Variants in LILRB1 observed in about 807,000 individuals in gnomAD.
LILRB1 encodes leukocyte immunoglobulin-like receptor subfamily B member 1.
LILRB1 carries 59 observed loss-of-function variants against 74.6 expected under a neutral mutation model. The observed-to-expected ratio is 0.79, with a 90% CI of 0.64 to 0.98. The LOEUF (loss-of-function observed/expected upper bound fraction) is 0.98, where lower values mean the gene tolerates loss of function less well. Among genes scored for constraint, LILRB1 ranks in the 50% least tolerant of loss-of-function variants. The pLI is 0.00. For synonymous variants in LILRB1, 328 were observed against 333.9 expected, an observed-to-expected ratio of 0.98 and a Z score of 0.19; for missense variants, 804 against 822.6, an observed-to-expected ratio of 0.98 and a Z score of 0.28.
At position 54,636,409 on chromosome 19, in the gene LILRB1, C is replaced by A. The variant is rs891382622; in HGVS notation, c.1654-85C>A. ...GATTCCATCGGGAAAGGGATGTAAT[C>A]GGATCACCCGGGGAACAGTGAGGAA... On this transcript the variant is annotated intron_variant, in intron 13 of 14. Transcript: ENST00000324602. The A allele has an allele frequency of 8.9e-6, 14 of 1,571,494 alleles. No individual in the cohort carries two copies. The African/African-American group carries it at 1.1e-4, about 12-fold the overall frequency.
rs376457176 is a variant in LILRB1, at chr19:54,631,819, A to T, written c.358+32A>T. On this transcript the variant is annotated intron_variant, in intron 4 of 14. Coordinates refer to ENST00000324602, the MANE Select transcript of LILRB1 (RefSeq NM_001081637.3). ...TGACACTCAGGGGTCCCAGCCCCAG[A>T]CTCTGCCCTCAGGAAGGGGGACGGC... 18 of 1,608,736 alleles carry T rather than the reference A, an allele frequency of 1.1e-5. No individual in the cohort carries two copies. The South Asian group carries it at 1.8e-4, about 16-fold the overall frequency.
intron 1 of LILRB1, among the ~76,000 whole-genome samples, chr19:54,618,883 C>T (rs1405493735): frequency 6.6e-6 from 1 of 151,998 alleles, no homozygotes; most frequent in Non-Finnish European, 1.5e-5. Context: ...TCTAGGTAAA[C>T]TATTAAATAA....
upstream of LILRB1, among the ~76,000 whole-genome samples, chr19:54,629,450 C>T (rs1177964305): frequency 6.6e-6 from 1 of 152,198 alleles, no homozygotes; most frequent in Non-Finnish European, 1.5e-5. Flanking sequence ...CCTTGAGATC[C>T]ACAAGGAGAC....
intron 3 of LILRB1, 80 bp from the exon 4 acceptor site, chr19:54,631,420 G>A: frequency 6.2e-7 from 1 of 1,608,798 alleles, no homozygotes; most frequent in Admixed American, 1.7e-5. Flanking sequence ...GGGGGCGTCT[G>A]GAGGGTCCTG....
In LILRB1 at chr19:54,632,645, C is replaced by A. The variant is rs746862799; in HGVS notation, c.843C>A (p.Asn281Lys). 1.2e-6 allele frequency: 2 copies of A among 1,614,030 alleles called. No homozygotes were observed. Among genetic ancestry groups the A allele is most frequent in the Admixed American group, 3.3e-5 (2 of 60,030 alleles). Reference protein sequence around the residue: ...AQPQAGLSQANFTLGPVSRSY... With the variant: ...AQPQAGLSQAKFTLGPVSRSY... ...CCCAGGCTGGGCTCTCCCAGGCCAA[C>A]TTCACCCTGGGCCCTGTGAGCCGCT... The change falls in exon 6 of 15, where the codon AAC (asparagine) becomes AAA (lysine). Residue 281 changes from asparagine to lysine, a missense_variant. Coordinates refer to ENST00000324602, the MANE Select transcript of LILRB1 (RefSeq NM_001081637.3).
intron 2 of LILRB1, 77 bp from the exon 3 acceptor site, chr19:54,631,194 G>T (rs575035859): frequency 1.0e-4 from 161 of 1,613,954 alleles, no homozygotes; most frequent in Non-Finnish European, 1.2e-4. Context: ...GACCCCAGGG[G>T]CTCACAAAGA....
chr19:54,626,693 C>T (rs1038730571), upstream of LILRB1, among the ~76,000 whole-genome samples: 1 of 152,100 alleles, frequency 6.6e-6, no homozygotes, highest in Non-Finnish European at 1.5e-5. Context: ...CTATAATTGC[C>T]TGTTTTTTCT....
chr19:54,633,129 A>T lies in LILRB1; in HGVS notation c.1072A>T (p.Thr358Ser), dbSNP rs201531812. 1.2e-4 allele frequency: 198 copies of T among 1,614,128 alleles called. No individual in the cohort carries two copies. Among genetic ancestry groups the T allele is most frequent in the Non-Finnish European group, 2.4e-5 (28 of 1,180,044 alleles). ...SQGWMQTFLLTKEGAADDPWR... is the reference protein window; with the variant it reads ...SQGWMQTFLLSKEGAADDPWR... The stretch of plus-strand genomic sequence containing the variant: ...GGGATGGATGCAAACTTTCCTTCTG[A>T]CCAAGGAGGGGGCAGCTGATGACCC... Residue 358 changes from threonine to serine, a missense_variant, in exon 7 of 15, where the codon ACC becomes TCC. Transcript: ENST00000324602.
upstream of LILRB1, among the ~76,000 whole-genome samples, chr19:54,630,203 C>T (rs1431267743): frequency 1.3e-5 from 2 of 152,282 alleles, no homozygotes; most frequent in South Asian, 2.1e-4. Flanking sequence ...GATAACCAGT[C>T]GTTGAATAAA....
Position 54,636,810 on chromosome 19 carries a change from C to A in LILRB1, c.1891C>A (p.Pro631Thr), listed in dbSNP as rs777690584. ...GACCCTCAGACGGGAGGCAACTGAG[C>A]CTCCTCCATCCCAGGAAGGGCCCTC... ...SLTLRREATE[P>T]PPSQEGPSPA... Residue 631 changes from proline (P) to threonine (T), a missense_variant, in exon 15 of 15, where the codon CCT becomes ACT. Transcript: ENST00000324602. The A allele has an allele frequency of 1.1e-5, 18 of 1,613,286 alleles. No homozygotes were observed. Among genetic ancestry groups the A allele is most frequent in the Non-Finnish European group, 1.4e-5 (17 of 1,179,540 alleles).
At chr19:54,632,963 T>A in intron 6 of LILRB1, 53 bp from the exon 7 acceptor site, 1 of 1,581,604 alleles carries the variant, frequency 6.3e-7, no homozygotes, top group Non-Finnish European at 8.6e-7. Flanking sequence ...CCTGGGGAGG[T>A]GTCAGCTCAG....
chr19:54,628,100 G>A (rs112873018), upstream of LILRB1, among the ~76,000 whole-genome samples: 78 of 152,250 alleles, frequency 5.1e-4, 1 homozygote, highest in East Asian at 0.011. Context: ...TATTTGTCCC[G>A]ATTGGCTAGT....
At chr19:54,630,987 C>T in intron 1 of LILRB1, 39 bp from the exon 2 acceptor site, 2 of 1,614,022 alleles carry the variant, frequency 1.2e-6, no homozygotes, top group Non-Finnish European at 1.7e-6. Flanking sequence ...GACCCAGCCT[C>T]CGATTGGCCA....
rs2064126324 is a variant in LILRB1 at position 54,633,695 on chromosome 19, C to T, written c.1312+7C>T. On this transcript the variant is annotated splice_region_variant and intron_variant, in intron 8 of 14. Coordinates refer to ENST00000324602, the MANE Select transcript of LILRB1 (RefSeq NM_001081637.3). ...GGCCCCACCTCCACATCTGGTGAGT[C>T]CCTGAGGCTTCTGAACTCAAGGGAG... 9.3e-6 allele frequency: 15 copies of T among 1,613,274 alleles called. No individual in the cohort carries two copies. Among genetic ancestry groups the T allele is most frequent in the Non-Finnish European group, 1.2e-5 (14 of 1,179,662 alleles).
rs749592435 is a variant in LILRB1 at position 54,631,604 on chromosome 19, C to T, written c.175C>T (p.Arg59Cys). 9.9e-6 allele frequency: 16 copies of T among 1,614,148 alleles called. No homozygotes were observed. In the South Asian group the frequency reaches 1.4e-4, roughly 14 times the overall value. Residue 59 changes from arginine (R) to cysteine (C), a missense_variant, in exon 4 of 15, where the codon CGT becomes TGT. Coordinates refer to ENST00000324602, the MANE Select transcript of LILRB1 (RefSeq NM_001081637.3). Reference sequence around the variant, plus strand: ...GGGGGGCCAGGAGACCCAGGAGTACCGTCTATATAGAGAAAAGAAAACAGC... The same window carrying T: ...GGGGGGCCAGGAGACCCAGGAGTACTGTCTATATAGAGAAAAGAAAACAGC... The part of the protein sequence containing the change: ...CQGGQETQEY[R>C]LYREKKTAPW...
intron 1 of LILRB1, among the ~76,000 whole-genome samples, chr19:54,621,757 T>C (rs2063464362): frequency 6.6e-6 from 1 of 152,218 alleles, no homozygotes; most frequent in Non-Finnish European, 1.5e-5. Context: ...ATAAGTTCTT[T>C]GCCTGGACTA....
At chr19:54,635,519 C>T (rs372561084) in intron 12 of LILRB1, 38 bp from the exon 13 acceptor site, 365 of 1,593,920 alleles carry the variant, frequency 2.3e-4, no homozygotes, top group Non-Finnish European at 2.9e-4. Flanking sequence ...TCCCAGGGAA[C>T]CTTCCCAAGA....
At chr19:54,634,874 T>C in intron 10 of LILRB1, 111 bp downstream of exon 10, 2 of 1,533,382 alleles carry the variant, frequency 1.3e-6, no homozygotes, top group Non-Finnish European at 1.8e-6. Flanking sequence ...TGTTCCAGCA[T>C]TTCTCACCAG....
upstream of LILRB1, among the ~76,000 whole-genome samples, chr19:54,627,480 T>C (rs892443236): frequency 6.6e-6 from 1 of 152,212 alleles, no homozygotes; most frequent in Non-Finnish European, 1.5e-5. Context: ...TTCTAAGGAC[T>C]TTTTAAAAAC....
Sources: gnomAD v4.1 joint callset for allele counts (sites outside exome capture counted in the v4.1 genomes callset) on GRCh38, gnomAD v4.1.1 for gene constraint, MANE v1.5 for transcripts, NCBI Gene and HGNC (gene_info 2026-07-23, HGNC 2026-07-21) for gene names.